The following STAU1 variants were observed in gnomAD, a reference collection of about 807,000 sequenced individuals.
STAU1 encodes the protein staufen double-stranded RNA binding protein 1, also known as double-stranded RNA-binding protein Staufen homolog 1.
Under a neutral mutation model 62.9 loss-of-function variants are expected in STAU1, and 13 were observed. The ratio of observed to expected loss-of-function variants is 0.21; its 90% confidence interval spans 0.13 to 0.33. The LOEUF (loss-of-function observed/expected upper bound fraction) is 0.33, where lower values mean the gene tolerates loss of function less well. STAU1 is among the 10% of genes least tolerant of loss of function. The pLI is 1.00. For missense variants in STAU1, 571 were observed against 712.1 expected (o/e 0.80, Z 2.25); for synonymous variants, 269 against 265.1 (o/e 1.01, Z -0.14).
At chr20:49,205,729 A>G in the STAU1 span, among the ~76,000 whole-genome samples, 2 of 149,206 alleles carry the variant, frequency 1.3e-5, no homozygotes, top group African/African-American at 5.0e-5. Flanking sequence ...CTGGAGTGCA[A>G]TGGCACACAA....
At chr20:49,206,903 G>A in the STAU1 span, among the ~76,000 whole-genome samples, 6 of 150,666 alleles carry the variant, frequency 4.0e-5, no homozygotes, top group Admixed American at 6.6e-5. Context: ...TTACAGGCGT[G>A]CGCCACCACA....
intron 6 of STAU1, among the ~76,000 whole-genome samples, chr20:49,130,327 AG>A (rs1218140122): frequency 2.6e-5 from 4 of 152,208 alleles, no homozygotes; most frequent in Admixed American, 2.0e-4. Context: ...CTGACTGCAA[AG>A]GGACACAGGG....
At chr20:49,145,239 C>A (rs994390555) in intron 5 of STAU1, among the ~76,000 whole-genome samples, 1 of 151,226 alleles carries the variant, frequency 6.6e-6, no homozygotes, top group Non-Finnish European at 1.5e-5. Flanking sequence ...GCCTGGCCAA[C>A]ATGGTGAAAC....
intron 6 of STAU1, chr20:49,134,542 G>C: frequency 7.8e-7 from 1 of 1,275,792 alleles, no homozygotes. Context: ...ACATAGCACT[G>C]TTACCTATCA....
At chr20:49,136,534 T>C (rs990875655) in intron 5 of STAU1, among the ~76,000 whole-genome samples, 2 of 152,226 alleles carry the variant, frequency 1.3e-5, no homozygotes, top group African/African-American at 2.4e-5. Context: ...TTCAGCAAGA[T>C]GTCACTGCTG....
chr20:49,133,296 G>A (rs2092792657), intron 6 of STAU1, among the ~76,000 whole-genome samples: 1 of 152,190 alleles, frequency 6.6e-6, no homozygotes, highest in Admixed American at 6.5e-5. Context: ...GCAAGAGTGA[G>A]CAGGTGGTAA....
the STAU1 span, among the ~76,000 whole-genome samples, chr20:49,195,758 C>T: frequency 2.2e-4 from 33 of 150,508 alleles, no homozygotes; most frequent in African/African-American, 8.0e-4. Context: ...ACAAAATTAG[C>T]CAGGCATGGT....
chr20:49,128,585 G>A (rs1436493283), intron 6 of STAU1, among the ~76,000 whole-genome samples: 2 of 152,034 alleles, frequency 1.3e-5, no homozygotes, highest in African/African-American at 4.8e-5. Flanking sequence ...TGTTGTATCA[G>A]AAAGCATGGA....
the STAU1 span, among the ~76,000 whole-genome samples, chr20:49,198,514 A>C: frequency 6.6e-6 from 1 of 151,958 alleles, no homozygotes; most frequent in Non-Finnish European, 1.5e-5. Context: ...CTTACAAATA[A>C]AAAATAAAGA....
At chr20:49,142,927 T>C (rs1204494859) in intron 5 of STAU1, among the ~76,000 whole-genome samples, 1 of 152,074 alleles carries the variant, frequency 6.6e-6, no homozygotes, top group Non-Finnish European at 1.5e-5. Context: ...CTCAGCCTCC[T>C]CATTAGCTGA....
chr20:49,197,014 G>A, the STAU1 span, among the ~76,000 whole-genome samples: 1 of 151,882 alleles, frequency 6.6e-6, no homozygotes, highest in Non-Finnish European at 1.5e-5. Context: ...AATTAGCCAG[G>A]CGTGGCGGCA....
intron 3 of STAU1, among the ~76,000 whole-genome samples, chr20:49,165,339 G>A (rs944562477): frequency 6.7e-5 from 10 of 149,850 alleles, no homozygotes; most frequent in South Asian, 4.2e-4. Flanking sequence ...CACCGCGCCC[G>A]GCCTATTTTT....
chr20:49,155,346 T>C (rs2093341231), intron 3 of STAU1, among the ~76,000 whole-genome samples: 1 of 152,236 alleles, frequency 6.6e-6, no homozygotes. Flanking sequence ...ACAAGTTATC[T>C]CAAAATTATC....
intron 3 of STAU1, chr20:49,158,413 G>T: frequency 7.7e-7 from 1 of 1,303,106 alleles, no homozygotes; most frequent in Non-Finnish European, 1.0e-6. Context: ...TAAATTTGGT[G>T]CCTTAAGGGG....
At chr20:49,204,626 G>GTGTATATATA in the STAU1 span, among the ~76,000 whole-genome samples, 1 of 44,678 alleles carries the variant, frequency 2.2e-5, no homozygotes, top group African/African-American at 9.5e-5. Context: ...ATATATATGT[G>GTGTATATATA]TATATATATA....
At chr20:49,216,035 AGAAG>A in the STAU1 span, among the ~76,000 whole-genome samples, 1 of 125,304 alleles carries the variant, frequency 8.0e-6, no homozygotes, top group South Asian at 2.5e-4. Context: ...AAAAAAAAAA[AGAAG>A]AAGAAGAAGA....
chr20:49,118,412 A>C lies in STAU1; in HGVS notation c.1114-4T>G. On this transcript the variant is annotated splice_region_variant and splice_polypyrimidine_tract_variant and intron_variant, in intron 9 of 13. Transcript: ENST00000371856. ...CCCCTGGTTTCTTTATGGGTGTCTT[A>C]AAAAAGAAGAAGAAAAAAAAAAGGC... is the stretch of plus-strand genomic sequence containing the variant. The C allele has an allele frequency of 6.2e-7, 1 of 1,602,024 alleles. No individual in the cohort carries two copies. Among genetic ancestry groups the C allele is most frequent in the Non-Finnish European group, 8.5e-7 (1 of 1,174,770 alleles).
Position 49,159,138 on chromosome 20 carries a change from G to T in STAU1, c.206-5067C>A, listed in dbSNP as rs539094832. 6 of 1,078,592 alleles carry T rather than the reference G, an allele frequency of 5.6e-6. No individual in the cohort carries two copies. In the South Asian group the frequency reaches 1.5e-4, roughly 28 times the overall value. The allele number at this position is 1,078,592 out of a possible 1,614,324, so 66.8% of individuals were successfully genotyped here. On this transcript the variant is annotated intron_variant, in intron 3 of 13. Coordinates refer to ENST00000371856, the MANE Select transcript of STAU1 (RefSeq NM_017453.4). ...ATTGTCTCATGGATAAATGCTGAAG[G>T]GGAAAAAGCTAAAAAAAAAAAAACA...
intron 2 of STAU1, among the ~76,000 whole-genome samples, chr20:49,170,187 T>G (rs1341183013): frequency 3.3e-5 from 5 of 152,162 alleles, no homozygotes; most frequent in Non-Finnish European, 7.3e-5. Context: ...GTCCGAGTGA[T>G]TTAATATACA....
Sources: gnomAD v4.1 joint callset for allele counts (sites outside exome capture counted in the v4.1 genomes callset) on GRCh38, gnomAD v4.1.1 for gene constraint, MANE v1.5 for transcripts, NCBI Gene and HGNC (gene_info 2026-07-23, HGNC 2026-07-21) for gene names.